The following ADGRV1 variants were observed in gnomAD, a reference collection of about 807,000 sequenced individuals.
ADGRV1 encodes the protein G-protein coupled receptor 98.
ADGRV1 carries 359 observed loss-of-function variants against 596.2 expected under a neutral mutation model. That is an observed-to-expected ratio of 0.60 (90% CI 0.55 to 0.66). The LOEUF is 0.66. Ranked by LOEUF, ADGRV1 falls within the 30% of genes least tolerant of loss-of-function variation. The probability of loss-of-function intolerance (pLI) is 0.00; values close to 1 mark genes in which losing one functional copy is unlikely to be tolerated. For synonymous variants in ADGRV1, 2,681 were observed against 2,679.2 expected, an observed-to-expected ratio of 1.00 and a Z score of -0.02; for missense variants, 7,274 against 7,575.6, an observed-to-expected ratio of 0.96 and a Z score of 1.48.
intron 1 of ADGRV1, among the ~76,000 whole-genome samples, chr5:90,594,789 A>G (rs923940468): frequency 6.6e-6 from 1 of 150,874 alleles, no homozygotes. Flanking sequence ...TTCAGAGAGC[A>G]CAGGGTTGGG....
Position 90,821,168 on chromosome 5 carries a change from A to C in ADGRV1, c.16197-2257A>C, listed in dbSNP as rs1236318040. 4.6e-5 allele frequency among the ~76,000 whole-genome samples: 7 copies of C among 150,984 alleles called. No homozygotes were observed. The East Asian group carries it at 7.8e-4, about 17-fold the overall frequency. ...CTTCTCGCTTCATTTCATTCATTTC[A>C]TCTTCCATTGCTGATACCCTTTCTT... On this transcript the variant is annotated intron_variant, in intron 75 of 89. Coordinates refer to ENST00000405460, the MANE Select transcript of ADGRV1 (RefSeq NM_032119.4).
intron 50 of ADGRV1, among the ~76,000 whole-genome samples, chr5:90,730,352 A>G (rs987326310): frequency 6.6e-6 from 1 of 152,250 alleles, no homozygotes; most frequent in Non-Finnish European, 1.5e-5. Context: ...TGAAAATAAT[A>G]TATTTCTTTT....
chr5:90,991,279 A>C (rs1420196611), intron 85 of ADGRV1, among the ~76,000 whole-genome samples: 1 of 152,236 alleles, frequency 6.6e-6, no homozygotes, highest in South Asian at 2.1e-4. Flanking sequence ...TTACTAATTC[A>C]TATGAATTCA....
At chr5:90,826,958 A>T (rs1764124870) in intron 76 of ADGRV1, among the ~76,000 whole-genome samples, 1 of 152,166 alleles carries the variant, frequency 6.6e-6, no homozygotes, top group Non-Finnish European at 1.5e-5. Flanking sequence ...CCTTTTCCTG[A>T]TTATTTATCT....
intron 11 of ADGRV1, among the ~76,000 whole-genome samples, chr5:90,641,773 A>G (rs925337712): frequency 1.3e-5 from 2 of 152,170 alleles, no homozygotes; most frequent in Non-Finnish European, 2.9e-5. Context: ...AGGACGTGAC[A>G]TTTCGCAAGG....
At chr5:90,923,619 G>A (rs1347748130) in intron 83 of ADGRV1, among the ~76,000 whole-genome samples, 1 of 151,922 alleles carries the variant, frequency 6.6e-6, no homozygotes. Context: ...TCTTGCCTTA[G>A]GTTATTTGTT....
At chr5:90,950,551 A>T (rs1298477990) in intron 83 of ADGRV1, among the ~76,000 whole-genome samples, 1 of 152,076 alleles carries the variant, frequency 6.6e-6, no homozygotes, top group East Asian at 1.9e-4. Context: ...CGAACTCATG[A>T]CCTCAGGTGA....
chr5:90,985,423 G>A lies in ADGRV1; in HGVS notation c.18053G>A (p.Trp6018Ter). 6.2e-7 allele frequency: 1 copy of A among 1,613,596 alleles called. No homozygotes were observed. Among genetic ancestry groups the A allele is most frequent in the Admixed American group, 1.7e-5 (1 of 60,002 alleles). Reference sequence around the variant, plus strand: ...TATCTGCTGTTTTTCCTTCTGAGTTGGGGACTACCAGCTTTTGTGGTGATT... The same window carrying A: ...TATCTGCTGTTTTTCCTTCTGAGTTAGGGACTACCAGCTTTTGTGGTGATT... ...RRYLLFFLLSWGLPAFVVILL... is the reference protein window; with the variant it reads ...RRYLLFFLLS Residue 6018 changes from tryptophan (W) to a stop codon, truncating the protein, a stop_gained, in exon 85 of 90, where the codon TGG (tryptophan) becomes TAG (stop). Transcript: ENST00000405460. LOFTEE classifies it high-confidence loss of function.
chr5:90,859,948 C>T (rs549720007), intron 82 of ADGRV1, among the ~76,000 whole-genome samples: 57 of 151,084 alleles, frequency 3.8e-4, no homozygotes, highest in African/African-American at 1.2e-3. Flanking sequence ...AAAAATTAGC[C>T]AAACATGATG....
At chr5:91,031,619 A>C (rs1453422580) in intron 85 of ADGRV1, among the ~76,000 whole-genome samples, 2 of 152,176 alleles carry the variant, frequency 1.3e-5, no homozygotes, top group African/African-American at 4.8e-5. Flanking sequence ...AATAGTTTAT[A>C]ATCTAAGTAT....
intron 71 of ADGRV1, chr5:90,804,859 T>G (rs2150198625): frequency 6.6e-6 from 1 of 152,508 alleles, no homozygotes; most frequent in South Asian, 2.1e-4. Flanking sequence ...AAAAGAACCC[T>G]AATAGAAGGT....
chr5:90,642,656 T>C lies in ADGRV1; in HGVS notation c.2261T>C (p.Val754Ala), dbSNP rs374609813. ...TCTAGGGTTAACGTGGAAAACCAAGTGCTGAAATCTGGATATACTAGCCGT... is the reference window on the plus strand; with the variant it reads ...TCTAGGGTTAACGTGGAAAACCAAGCGCTGAAATCTGGATATACTAGCCGT... ...SLDRVNVENQ[V>A]LKSGYTSRDL... Residue 754 changes from valine (V) to alanine (A), a missense_variant, in exon 12 of 90, where the codon GTG (valine) becomes GCG (alanine). Physicochemically the swap from Val to Ala is moderately conservative, Grantham distance 64. Transcript: ENST00000405460. 8.7e-5 allele frequency: 140 copies of C among 1,613,274 alleles called. 4 individuals carry two copies. Among genetic ancestry groups the C allele is most frequent in the South Asian group, 8.2e-4 (75 of 90,978 alleles).
chr5:90,627,362 A>G lies in ADGRV1; in HGVS notation c.824A>G (p.Glu275Gly). ...FLQSIYLVPE[E>G]DHILIIPVVR... is the part of the protein sequence containing the mutation. ...CAGAGTATTTATTTGGTTCCTGAGG[A>G]AGACCACATACTCATAATTCCAGTA... The change falls in exon 7 of 90, where the codon GAA becomes GGA. Residue 275 changes from glutamate (E) to glycine (G), a missense_variant. Physicochemically the swap from Glu to Gly is moderately conservative, Grantham distance 98 (BLOSUM62 -2). Transcript: ENST00000405460. 1.2e-6 allele frequency: 2 copies of G among 1,613,960 alleles called. No individual in the cohort carries two copies. The highest frequency in any genetic ancestry group is 1.7e-6 in the Non-Finnish European group (2 of 1,179,840).
At chr5:90,744,959 G>A in intron 50 of ADGRV1, 87 bp from the exon 51 acceptor site, 2 of 857,680 alleles carry the variant, frequency 2.3e-6, no homozygotes, top group Non-Finnish European at 3.8e-6. Context: ...TGAGATTTTG[G>A]AAGATTTTGC....
intron 75 of ADGRV1, 50 bp from the exon 76 acceptor site, chr5:90,823,375 C>T: frequency 3.9e-6 from 6 of 1,556,720 alleles, no homozygotes; most frequent in Non-Finnish European, 4.4e-6. Flanking sequence ...CTCTATTAGA[C>T]ATGGGGATGA....
At chr5:90,858,428 C>G (rs917940782) in intron 82 of ADGRV1, among the ~76,000 whole-genome samples, 1 of 152,112 alleles carries the variant, frequency 6.6e-6, no homozygotes, top group African/African-American at 2.4e-5. Context: ...ATTGGTTATG[C>G]TACTGCATTG....
intron 76 of ADGRV1, chr5:90,825,766 G>T (rs1402971573): frequency 3.9e-5 from 6 of 152,138 alleles, no homozygotes. Flanking sequence ...AGAAAATGTT[G>T]TATGCAATAC....
chr5:90,706,401 CTCT>C lies in ADGRV1; in HGVS notation c.8730+9_8730+11del, dbSNP rs768915566. 32 of 1,465,552 alleles carry C rather than the reference CTCT, an allele frequency of 2.2e-5. No homozygotes were observed. The East Asian group carries it at 6.8e-4, about 31-fold the overall frequency. The allele number at this position is 1,465,552 out of a possible 1,614,324, so 90.8% of individuals were successfully genotyped here. ...CAACATTACCATTCTTGAGGTAAAACTCTTTTTTTTTTTTAATCTTAGGGGGAG... is the reference window on the plus strand; with the variant it reads ...CAACATTACCATTCTTGAGGTAAAACTTTTTTTTTTTAATCTTAGGGGGAG... On this transcript the variant is annotated splice_region_variant and intron_variant, in intron 38 of 89. Coordinates refer to ENST00000405460, the MANE Select transcript of ADGRV1 (RefSeq NM_032119.4).
At chr5:90,567,267 G>T (rs1347294068) in intron 1 of ADGRV1, among the ~76,000 whole-genome samples, 1 of 151,634 alleles carries the variant, frequency 6.6e-6, no homozygotes, top group Non-Finnish European at 1.5e-5. Context: ...TTTTTTTCTT[G>T]GTTCTTTTTT....
Sources: allele counts gnomAD v4.1 joint callset (sites outside exome capture counted in the v4.1 genomes callset), GRCh38; gene constraint gnomAD v4.1.1; transcripts MANE v1.5; gene names NCBI Gene and HGNC (gene_info 2026-07-23, HGNC 2026-07-21).